The following TNPO1 variants were observed in gnomAD, a reference collection of about 807,000 sequenced individuals.
TNPO1 encodes transportin-1.
In TNPO1, 8 loss-of-function variants were observed where a neutral mutation model predicts 119.5. That is an observed-to-expected ratio of 0.07 (90% CI 0.04 to 0.12). The LOEUF is 0.12. TNPO1 is among the 10% of genes least tolerant of loss of function. The pLI, the probability that TNPO1 is intolerant of heterozygous loss-of-function variation, is 1.00. For synonymous variants in TNPO1, 362 were observed against 363.0 expected, an observed-to-expected ratio of 1.00 and a Z score of 0.03; for missense variants, 576 against 1,089.8, an observed-to-expected ratio of 0.53 and a Z score of 6.64.
chr5:72,833,035 A>C (rs1744546620), intron 1 of TNPO1, among the ~76,000 whole-genome samples: 1 of 152,136 alleles, frequency 6.6e-6, no homozygotes, highest in Non-Finnish European at 1.5e-5. Flanking sequence ...CAACCCTGCA[A>C]TTCCTAGAGA....
chr5:72,855,418 T>G (rs1238145688), intron 3 of TNPO1, among the ~76,000 whole-genome samples: 1 of 152,190 alleles, frequency 6.6e-6, no homozygotes, highest in Non-Finnish European at 1.5e-5. Context: ...AAATCAGTGG[T>G]TCTCAACCAC....
chr5:72,889,413 A>C (rs949011657), intron 13 of TNPO1, among the ~76,000 whole-genome samples: 4 of 152,110 alleles, frequency 2.6e-5, no homozygotes, highest in African/African-American at 9.7e-5. Flanking sequence ...TATCTGGAAG[A>C]TATTAAGGGA....
intron 20 of TNPO1, among the ~76,000 whole-genome samples, chr5:72,897,462 G>A (rs1020927857): frequency 6.7e-6 from 1 of 150,142 alleles, no homozygotes; most frequent in Non-Finnish European, 1.5e-5. Flanking sequence ...AAATTAATTC[G>A]GAGAGTAACT....
At chr5:72,868,450 A>AC (rs1554052263) in intron 6 of TNPO1, among the ~76,000 whole-genome samples, 5 of 148,784 alleles carry the variant, frequency 3.4e-5, no homozygotes, top group Non-Finnish European at 6.0e-5. Context: ...AAAAAAAAAA[A>AC]AAAAAAAAAC....
chr5:72,848,437 T>C lies in TNPO1; in HGVS notation c.68T>C (p.Ile23Thr). ...WKPDEQGLQQILQLLKESQSP... is the reference protein window; with the variant it reads ...WKPDEQGLQQTLQLLKESQSP... ...CCTGACGAGCAAGGGCTTCAGCAAA[T>C]CCTGCAGCTGTTGAAGGAGTCCCAG... The change falls in exon 2 of 25, where the codon ATC (isoleucine) becomes ACC (threonine). Residue 23 changes from isoleucine to threonine, a missense_variant. Physicochemically the swap from Ile to Thr is moderately conservative, Grantham distance 89. Coordinates refer to ENST00000337273, the MANE Select transcript of TNPO1 (RefSeq NM_002270.4). 1.2e-6 allele frequency: 2 copies of C among 1,612,288 alleles called. No individual in the cohort carries two copies. Among genetic ancestry groups the C allele is most frequent in the Non-Finnish European group, 1.7e-6 (2 of 1,179,100 alleles).
At position 72,882,518 on chromosome 5, in the gene TNPO1, C is replaced by A; in HGVS notation, c.972C>A (p.Ile324=). 1.2e-6 allele frequency: 2 copies of A among 1,608,162 alleles called. No individual in the cohort carries two copies. Among genetic ancestry groups the A allele is most frequent in the South Asian group, 1.1e-5 (1 of 89,846 alleles). Residue 324 remains isoleucine, a synonymous_variant, in exon 10 of 25, where the codon ATC becomes ATA. Coordinates refer to ENST00000337273, the MANE Select transcript of TNPO1 (RefSeq NM_002270.4). The stretch of plus-strand genomic sequence containing the variant: ...TGAAGTACTCAGACATAGATATTAT[C>A]CTACTTAAGGTAAGGAAGCTTTTTT... ...NGMKYSDIDI[I]LLKGDVEEDE... is the part of the protein sequence containing the mutation.
intron 12 of TNPO1, 129 bp from the exon 13 acceptor site, chr5:72,887,949 G>A: frequency 1.2e-6 from 1 of 842,360 alleles, no homozygotes; most frequent in Non-Finnish European, 1.8e-6. Context: ...TTTGGTATAG[G>A]TTATTGTAGT....
intron 1 of TNPO1, 159 bp from the exon 2 acceptor site, chr5:72,848,226 G>T (rs1745233486): frequency 1.6e-6 from 2 of 1,254,940 alleles, no homozygotes; most frequent in South Asian, 4.8e-5. Flanking sequence ...CACTGTCCGT[G>T]ACTTCCTTCG....
chr5:72,849,182 A>G (rs1745356146), intron 2 of TNPO1, among the ~76,000 whole-genome samples: 1 of 152,168 alleles, frequency 6.6e-6, no homozygotes, highest in African/African-American at 2.4e-5. Context: ...CTCAAGGCTG[A>G]CTGCACAATT....
chr5:72,850,182 T>C lies in TNPO1; in HGVS notation c.130-1062T>C, dbSNP rs569967313. 3.3e-5 allele frequency among the ~76,000 whole-genome samples: 5 copies of C among 152,340 alleles called. No individual in the cohort carries two copies. The South Asian group carries it at 1.0e-3, about 32-fold the overall frequency. ...TTATTATTTTGTATAGGCTTTTGAG[T>C]ACTTTTTGAAAGACCGCTATAATAG... On this transcript the variant is annotated intron_variant, in intron 2 of 24. Transcript: ENST00000337273.
At position 72,862,992 on chromosome 5, in the gene TNPO1, T is replaced by TTGTGTG. The variant is rs71614493; in HGVS notation, c.462+1107_462+1112dup. 2.3e-3 allele frequency among the ~76,000 whole-genome samples: 326 copies of TTGTGTG among 144,858 alleles called. 2 individuals carry two copies. Among genetic ancestry groups the TTGTGTG allele is most frequent in the South Asian group, 4.2e-3 (19 of 4,514 alleles). On this transcript the variant is annotated intron_variant, in intron 5 of 24. Coordinates refer to ENST00000337273, the MANE Select transcript of TNPO1 (RefSeq NM_002270.4). ...TACATTAACTCTGACCTGTGGGTTT[T>TTGTGTG]TGTGTGTGTGTGTGTGTGTGTGTGT...
intron 1 of TNPO1, chr5:72,848,097 G>T: frequency 9.0e-7 from 1 of 1,111,240 alleles, no homozygotes; most frequent in Non-Finnish European, 1.1e-6. Context: ...AGCGGATCTT[G>T]GGGCCAGATT....
At chr5:72,819,326 A>G (rs932636472) in intron 1 of TNPO1, among the ~76,000 whole-genome samples, 1 of 152,218 alleles carries the variant, frequency 6.6e-6, no homozygotes, top group African/African-American at 2.4e-5. Flanking sequence ...CAGACACACC[A>G]TATTCAAACC....
chr5:72,848,454 G>A lies in TNPO1; in HGVS notation c.85G>A (p.Glu29Lys). 1 of 1,612,178 alleles carries A rather than the reference G, an allele frequency of 6.2e-7. No homozygotes were observed. The highest frequency in any genetic ancestry group is 8.5e-7 in the Non-Finnish European group (1 of 1,179,026). The part of the protein sequence containing the change: ...GLQQILQLLK[E>K]SQSPDTTIQR... The stretch of plus-strand genomic sequence containing the variant: ...TCAGCAAATCCTGCAGCTGTTGAAG[G>A]AGTCCCAGTCCCCAGACACCACCAT... Residue 29 changes from glutamate (E) to lysine (K), a missense_variant, in exon 2 of 25, where the codon GAG (glutamate) becomes AAG (lysine). By Grantham distance (56) the Glu-to-Lys change is moderately conservative. Transcript: ENST00000337273.
chr5:72,842,233 C>A (rs1308285618), intron 1 of TNPO1, among the ~76,000 whole-genome samples: 1 of 152,112 alleles, frequency 6.6e-6, no homozygotes, highest in East Asian at 1.9e-4. Context: ...TTCGTATGCA[C>A]ATGGTTGTAT....
rs1745209188 is a variant in TNPO1 at position 72,847,954 on chromosome 5, C to A, written c.16-431C>A. ...ATAATATACCCAAAACAGATCTCTT[C>A]AGGTGTTTCGCAGGGGTTTTGATAA... On this transcript the variant is annotated intron_variant, in intron 1 of 24. Coordinates refer to ENST00000337273, the MANE Select transcript of TNPO1 (RefSeq NM_002270.4). 2.0e-5 allele frequency: 11 copies of A among 552,384 alleles called. No homozygotes were observed. The South Asian group carries it at 5.5e-4, about 28-fold the overall frequency. The allele number at this position is 552,384 out of a possible 1,614,324, so 34.2% of individuals were successfully genotyped here.
chr5:72,891,945 A>C (rs1749089762), intron 15 of TNPO1, 49 bp downstream of exon 15: 1 of 1,409,200 alleles, frequency 7.1e-7, no homozygotes, highest in South Asian at 1.2e-5. Context: ...CACATGTTCA[A>C]ATCCAAAATG....
intron 4 of TNPO1, among the ~76,000 whole-genome samples, chr5:72,858,043 T>C (rs1451817084): frequency 1.3e-5 from 2 of 152,238 alleles, no homozygotes; most frequent in Non-Finnish European, 2.9e-5. Flanking sequence ...TAGTTTATGT[T>C]AAGTAGATAC....
intron 13 of TNPO1, among the ~76,000 whole-genome samples, chr5:72,888,695 G>A (rs905994436): frequency 5.9e-5 from 9 of 152,132 alleles, no homozygotes; most frequent in South Asian, 2.1e-4. Flanking sequence ...GTGATGGCAG[G>A]ACTCCTACTC....
Sources: gnomAD v4.1 joint callset for allele counts (sites outside exome capture counted in the v4.1 genomes callset) on GRCh38, gnomAD v4.1.1 for gene constraint, MANE v1.5 for transcripts, NCBI Gene and HGNC (gene_info 2026-07-23, HGNC 2026-07-21) for gene names.